The following SGSM3 variants were observed in gnomAD, a reference collection of about 807,000 sequenced individuals.
The protein encoded by SGSM3 is small G protein signaling modulator 3.
Under a neutral mutation model 100.5 loss-of-function variants are expected in SGSM3, and 96 were observed. That is an observed-to-expected ratio of 0.96 (90% CI 0.81 to 1.13). SGSM3 has a LOEUF of 1.13. Ranked by LOEUF, SGSM3 falls within the 50% of genes most tolerant of loss-of-function variation. The pLI is 0.00. For synonymous variants in SGSM3, 483 were observed against 422.8 expected (o/e 1.14, Z -1.75); for missense variants, 1,001 against 1,015.8 (o/e 0.99, Z 0.20).
At chr22:40,388,895 A>AG (rs1277846514) in intron 1 of SGSM3, among the ~76,000 whole-genome samples, 13 of 152,230 alleles carry the variant, frequency 8.5e-5, no homozygotes, top group African/African-American at 3.1e-4. Flanking sequence ...GGACCACTGA[A>AG]GGGGAGGACC....
intron 1 of SGSM3, among the ~76,000 whole-genome samples, chr22:40,376,705 A>G (rs1039288861): frequency 8.5e-5 from 12 of 141,970 alleles, no homozygotes; most frequent in South Asian, 4.3e-4. Context: ...GTAATTTGCT[A>G]AAGATTGGTG....
chr22:40,379,781 T>C (rs939860836), intron 1 of SGSM3, among the ~76,000 whole-genome samples: 4 of 152,140 alleles, frequency 2.6e-5, no homozygotes, highest in Non-Finnish European at 5.9e-5. Flanking sequence ...CAATCTCCAC[T>C]CACTGCAACC....
rs769867662 is a variant in SGSM3 at position 40,408,429 on chromosome 22, G to GGTAA, written c.1782+3_1782+6dup. 9 of 1,613,304 alleles carry GGTAA rather than the reference G, an allele frequency of 5.6e-6. No homozygotes were observed. The highest frequency in any genetic ancestry group is 6.8e-6 in the Non-Finnish European group (8 of 1,179,966). On this transcript the variant is annotated frameshift_variant and splice_region_variant. Coordinates refer to ENST00000248929, the MANE Select transcript of SGSM3 (RefSeq NM_015705.6). LOFTEE classifies it high-confidence loss of function. ...GCCACCCCTGGCTGTTTATCGAGGA[G>GGTAA]GTAAGTCAGTGGCTGGGCCCATGAC...
Position 40,398,982 on chromosome 22 carries a change from T to C in SGSM3, c.-111-1714T>C, listed in dbSNP as rs1419288554. On this transcript the variant is annotated intron_variant, in intron 1 of 21. Transcript: ENST00000248929. Reference sequence around the variant, plus strand: ...AGCAGAGCTAGGATTGGACTGGAGATGTCTTTACTTTTTTTTTTTGAGACA... The same window carrying C: ...AGCAGAGCTAGGATTGGACTGGAGACGTCTTTACTTTTTTTTTTTGAGACA... 1.2e-4 allele frequency among the ~76,000 whole-genome samples: 16 copies of C among 138,944 alleles called. 3 individuals carry two copies. The highest frequency in any genetic ancestry group is 4.3e-4 in the African/African-American group (16 of 37,568). 91.2% of individuals were successfully genotyped at this position (138,944 alleles called of 152,430 possible). A position where few individuals can be genotyped will look rare whatever the true frequency, so the allele number is the denominator to read the frequency against.
intron 1 of SGSM3, among the ~76,000 whole-genome samples, chr22:40,376,067 A>C (rs2046503442): frequency 1.3e-5 from 2 of 151,812 alleles, no homozygotes; most frequent in Non-Finnish European, 2.9e-5. Flanking sequence ...AAAAAAAAAA[A>C]CAAGATATGA....
Position 40,407,575 on chromosome 22 carries a change from G to C in SGSM3, c.1524+7G>C. On this transcript the variant is annotated splice_region_variant and intron_variant, in intron 13 of 21. Coordinates refer to ENST00000248929, the MANE Select transcript of SGSM3 (RefSeq NM_015705.6). This position sits in a 1 kb window ranked among gnomAD's most constrained non-coding sequence, Gnocchi z 4.7. ...CAAGAACGACATCATCACAGTGCGT[G>C]GGGGCGCTGGACTACCAGGTCCTCA... 6.2e-7 allele frequency: 1 copy of C among 1,601,126 alleles called. No individual in the cohort carries two copies. The highest frequency in any genetic ancestry group is 1.3e-5 in the African/African-American group (1 of 75,036).
At chr22:40,380,169 A>G (rs931182432) in intron 1 of SGSM3, among the ~76,000 whole-genome samples, 2 of 152,150 alleles carry the variant, frequency 1.3e-5, no homozygotes, top group Non-Finnish European at 2.9e-5. Flanking sequence ...AGAGAACTTT[A>G]TACAGTGCTG....
chr22:40,408,370 G>C lies in SGSM3; in HGVS notation c.1723G>C (p.Gly575Arg). 3 of 1,613,590 alleles carry C rather than the reference G, an allele frequency of 1.9e-6. No homozygotes were observed. Among genetic ancestry groups the C allele is most frequent in the Non-Finnish European group, 2.5e-6 (3 of 1,180,006 alleles). Reference sequence around the variant, plus strand: ...GGCCCTTAAGGCCCTGTTCGAACATGGACTGAAGAAGCCATCCCTGCTTGG... The same window carrying C: ...GGCCCTTAAGGCCCTGTTCGAACATCGACTGAAGAAGCCATCCCTGCTTGG... ...CPALKALFEH[G>R]LKKPSLLGGA... The change falls in exon 16 of 22, where the codon GGA becomes CGA. Residue 575 changes from glycine to arginine, a missense_variant. By Grantham distance (125) the Gly-to-Arg change is moderately radical. Transcript: ENST00000248929.
In SGSM3 at chr22:40,409,433, C is replaced by CA. The variant is rs781345539; in HGVS notation, c.2112-30dup. The CA allele has an allele frequency of 1.0e-5, 16 of 1,566,588 alleles. No individual in the cohort carries two copies. In the Admixed American group the frequency reaches 1.3e-4, roughly 13 times the overall value. On this transcript the variant is annotated intron_variant, in intron 20 of 21. Coordinates refer to ENST00000248929, the MANE Select transcript of SGSM3 (RefSeq NM_015705.6). ...GGTGGGAAGGGCTAGCTGGGGGTGACAAGAGCCTTACCACCCCTTCCTCAC... is the reference window on the plus strand; with the variant it reads ...GGTGGGAAGGGCTAGCTGGGGGTGACAAAGAGCCTTACCACCCCTTCCTCAC...
chr22:40,409,774 G>A lies in SGSM3; in HGVS notation c.*15G>A, dbSNP rs1230970264. 6.2e-7 allele frequency: 1 copy of A among 1,602,500 alleles called. No homozygotes were observed. The highest frequency in any genetic ancestry group is 8.5e-7 in the Non-Finnish European group (1 of 1,178,000). ...TGGACGGGTGACCCCCTCCTCCCCA[G>A]CCCAACCTCGGGCCTGCGTCTGAGG... On this transcript the variant is annotated 3_prime_UTR_variant, in exon 22 of 22. Coordinates refer to ENST00000248929, the MANE Select transcript of SGSM3 (RefSeq NM_015705.6).
intron 1 of SGSM3, among the ~76,000 whole-genome samples, chr22:40,384,907 A>G (rs557164608): frequency 4.6e-5 from 7 of 152,388 alleles, no homozygotes; most frequent in African/African-American, 1.4e-4. Context: ...TATGACAGTA[A>G]TAGCTAAATC....
At chr22:40,404,074 A>G in intron 4 of SGSM3, 173 bp from the exon 5 acceptor site, 1 of 486,922 alleles carries the variant, frequency 2.1e-6, no homozygotes, top group East Asian at 3.2e-5. Context: ...GGTACATGTT[A>G]GAGGCTCACC....
chr22:40,371,821 C>A (rs2045553546), intron 1 of SGSM3, among the ~76,000 whole-genome samples: 3 of 151,880 alleles, frequency 2.0e-5, no homozygotes, highest in Admixed American at 2.0e-4. Context: ...CTCAGCCTAC[C>A]GAGTAGCTGG....
At chr22:40,374,416 G>T (rs2046188989) in intron 1 of SGSM3, among the ~76,000 whole-genome samples, 1 of 152,202 alleles carries the variant, frequency 6.6e-6, no homozygotes, top group Non-Finnish European at 1.5e-5. Context: ...ACTGAGAGAT[G>T]ACATGGTTGA....
rs1223705415 is a variant in SGSM3 at position 40,406,615 on chromosome 22, G to A, written c.1138G>A (p.Asp380Asn). Residue 380 changes from aspartate (D) to asparagine (N), a missense_variant, in exon 10 of 22, where the codon GAC becomes AAC. Transcript: ENST00000248929. ...RRKHLAYLIADQGQLLGAGTL... is the reference protein window; with the variant it reads ...RRKHLAYLIANQGQLLGAGTL... ...CAAGCACCTGGCCTATCTCATTGCA[G>A]ACCAGGGCCAGCTCCTGGGGGCCGG... 6.2e-7 allele frequency: 1 copy of A among 1,610,158 alleles called. No homozygotes were observed. The highest frequency in any genetic ancestry group is 8.5e-7 in the Non-Finnish European group (1 of 1,177,524).
intron 1 of SGSM3, among the ~76,000 whole-genome samples, chr22:40,389,628 C>A (rs1322506985): frequency 7.4e-6 from 1 of 134,610 alleles, no homozygotes; most frequent in Non-Finnish European, 1.6e-5. Flanking sequence ...AAAAAAAGGG[C>A]CGGGCGCGGT....
chr22:40,391,025 A>G (rs55652252), intron 1 of SGSM3, among the ~76,000 whole-genome samples: 3,433 of 152,270 alleles, frequency 0.023, 126 homozygotes, highest in African/African-American at 0.079. Context: ...CAGCATGTAC[A>G]ATGATTAATT....
chr22:40,386,562 CTTTTTTTTTTTT>C (rs60319316), intron 1 of SGSM3, among the ~76,000 whole-genome samples: 6 of 68,366 alleles, frequency 8.8e-5, no homozygotes, highest in East Asian at 4.7e-4. Flanking sequence ...AATTTTCTTA[CTTTTTTTTTTTT>C]TTTTTTTTTT....
rs554010528 is a variant in SGSM3 at position 40,398,990 on chromosome 22, CT to C, written c.-111-1695del. ...TAGGATTGGACTGGAGATGTCTTTA[CT>C]TTTTTTTTTTGAGACAGAGTCTCAC... is the stretch of plus-strand genomic sequence containing the variant. On this transcript the variant is annotated intron_variant, in intron 1 of 21. Transcript: ENST00000248929. 2.7e-4 allele frequency among the ~76,000 whole-genome samples: 36 copies of C among 132,440 alleles called. 1 individual carries two copies. The highest frequency in any genetic ancestry group is 2.7e-4 in the Admixed American group (3 of 11,280). The allele number at this position is 132,440 out of a possible 152,430, so 86.9% of individuals were successfully genotyped here. A position where few individuals can be genotyped will look rare whatever the true frequency, so the allele number is the denominator to read the frequency against.
Sources: gnomAD v4.1 joint callset for allele counts (sites outside exome capture counted in the v4.1 genomes callset) on GRCh38, gnomAD v4.1.1 for gene constraint, Gnocchi (gnomAD v3.1) non-coding constraint, MANE v1.5 for transcripts, NCBI Gene and HGNC (gene_info 2026-07-23, HGNC 2026-07-21) for gene names.